Variants in LRP1B observed in about 807,000 individuals in gnomAD.
LRP1B encodes LDL receptor related protein 1B.
LRP1B carries 217 observed loss-of-function variants against 556.6 expected under a neutral mutation model. That is an observed-to-expected ratio of 0.39 (90% CI 0.35 to 0.44). The LOEUF is 0.44. LRP1B is among the 20% of genes least tolerant of loss of function. The probability of loss-of-function intolerance (pLI) is 1.00; values close to 1 mark genes in which losing one functional copy is unlikely to be tolerated. For missense variants in LRP1B, 5,053 were observed against 5,620.8 expected (o/e 0.90, Z 3.23); for synonymous variants, 2,047 against 1,865.8 (o/e 1.10, Z -2.50).
chr2:141,597,463 C>T (rs1360161519), intron 2 of LRP1B, among the ~76,000 whole-genome samples: 1 of 152,018 alleles, frequency 6.6e-6, no homozygotes, highest in African/African-American at 2.4e-5. Context: ...TTCAATTTGC[C>T]CTTCACCTTC....
intron 21 of LRP1B, among the ~76,000 whole-genome samples, chr2:140,912,367 T>C (rs1306515720): frequency 6.6e-6 from 1 of 151,670 alleles, no homozygotes; most frequent in Non-Finnish European, 1.5e-5. Context: ...ACAGATTTCT[T>C]TGCTTAAACT....
At position 140,536,311 on chromosome 2, in the gene LRP1B, T is replaced by TAAAA. The variant is rs70988404; in HGVS notation, c.7642+266_7642+269dup. ...GCAACACAATGAGACCCCGTCTCTT[T>TAAAA]AAAAAAAAAAAAAAAAAAAAAAAAA... On this transcript the variant is annotated intron_variant, in intron 46 of 90. Coordinates refer to ENST00000389484, the MANE Select transcript of LRP1B (RefSeq NM_018557.3). 4.3e-3 allele frequency among the ~76,000 whole-genome samples: 267 copies of TAAAA among 61,878 alleles called. 7 individuals carry two copies. Among genetic ancestry groups the TAAAA allele is most frequent in the African/African-American group, 0.016 (202 of 12,400 alleles). 40.6% of individuals were successfully genotyped at this position (61,878 alleles called of 152,430 possible). A position where few individuals can be genotyped will look rare whatever the true frequency, so the allele number is the denominator to read the frequency against.
intron 41 of LRP1B, among the ~76,000 whole-genome samples, chr2:140,690,543 A>G (rs1196412303): frequency 1.3e-5 from 2 of 152,140 alleles, no homozygotes; most frequent in Non-Finnish European, 2.9e-5. Context: ...TTCTTCCCCT[A>G]CATCTACCAC....
intron 1 of LRP1B, among the ~76,000 whole-genome samples, chr2:142,121,874 C>T (rs2105013448): frequency 7.0e-6 from 1 of 142,568 alleles, no homozygotes; most frequent in African/African-American, 2.6e-5. Context: ...ATATGAGTTG[C>T]TTCAAGGATC....
intron 60 of LRP1B, among the ~76,000 whole-genome samples, chr2:140,463,632 T>C: frequency 6.6e-6 from 1 of 152,194 alleles, no homozygotes; most frequent in East Asian, 1.9e-4. Context: ...CATTTCCAAC[T>C]GTTATGATAG....
At chr2:141,020,577 G>A (rs1369268644) in intron 11 of LRP1B, among the ~76,000 whole-genome samples, 3 of 151,846 alleles carry the variant, frequency 2.0e-5, no homozygotes, top group African/African-American at 4.8e-5. Flanking sequence ...CTTGCCCAAG[G>A]ATGAACAGTT....
chr2:141,738,799 C>T (rs146357642), intron 2 of LRP1B, among the ~76,000 whole-genome samples: 4 of 152,244 alleles, frequency 2.6e-5, no homozygotes, highest in African/African-American at 4.8e-5. Context: ...TATTGACCTT[C>T]TCACCTCAGT....
intron 1 of LRP1B, among the ~76,000 whole-genome samples, chr2:141,817,047 A>C (rs574579055): frequency 6.6e-6 from 1 of 152,302 alleles, no homozygotes; most frequent in Admixed American, 6.5e-5. Context: ...AATGAAAAAA[A>C]ATTTCAGTAT....
At chr2:140,261,454 T>G (rs1681932925) in intron 86 of LRP1B, among the ~76,000 whole-genome samples, 1 of 151,830 alleles carries the variant, frequency 6.6e-6, no homozygotes, top group Admixed American at 6.6e-5. Context: ...TTTCAGAAAA[T>G]TAATGATATG....
rs114647056 is a variant in LRP1B, at chr2:140,516,590, T to C, written c.8149+299A>G. On this transcript the variant is annotated intron_variant, in intron 50 of 90. Transcript: ENST00000389484. ...GAAAGCAAATACATCAGGTACCACCTAAAGTTAATAAATTAAGAAAAGGTA... is the reference window on the plus strand; with the variant it reads ...GAAAGCAAATACATCAGGTACCACCCAAAGTTAATAAATTAAGAAAAGGTA... Among the ~76,000 whole-genome samples, 702 of 152,168 alleles carry C rather than the reference T, an allele frequency of 4.6e-3. 4 individuals are homozygous for C. The highest frequency in any genetic ancestry group is 8.0e-3 in the Non-Finnish European group (546 of 67,956).
chr2:140,778,490 C>T (rs181352592), intron 32 of LRP1B, among the ~76,000 whole-genome samples: 136 of 151,972 alleles, frequency 8.9e-4, no homozygotes, highest in African/African-American at 3.2e-3. Context: ...TTCATGAATG[C>T]ATTTTTTTTA....
intron 4 of LRP1B, among the ~76,000 whole-genome samples, chr2:141,252,954 T>A (rs777201365): frequency 3.4e-4 from 51 of 152,206 alleles, no homozygotes; most frequent in Non-Finnish European, 4.1e-4. Flanking sequence ...AATTAATTAC[T>A]GTTGTGTTTG....
chr2:140,617,354 C>T (rs1467847590), intron 41 of LRP1B, among the ~76,000 whole-genome samples: 3 of 151,824 alleles, frequency 2.0e-5, no homozygotes, highest in East Asian at 1.9e-4. Flanking sequence ...AACTCAACTG[C>T]GTTTTGCTAA....
At chr2:141,538,902 A>T (rs1574058345) in intron 2 of LRP1B, among the ~76,000 whole-genome samples, 1 of 152,096 alleles carries the variant, frequency 6.6e-6, no homozygotes, top group Non-Finnish European at 1.5e-5. Context: ...GCCTCCCAAA[A>T]TGCTGGGATT....
At chr2:141,115,133 G>A (rs1354470327) in intron 7 of LRP1B, among the ~76,000 whole-genome samples, 1 of 140,288 alleles carries the variant, frequency 7.1e-6, no homozygotes, top group Non-Finnish European at 1.5e-5. Flanking sequence ...ATGTTCTTTG[G>A]TCTTTATATT....
At chr2:141,735,580 A>G (rs1262714724) in intron 2 of LRP1B, among the ~76,000 whole-genome samples, 1 of 151,890 alleles carries the variant, frequency 6.6e-6, no homozygotes, top group African/African-American at 2.4e-5. Context: ...ATTGACTGAG[A>G]GCCCTCCATT....
intron 84 of LRP1B, among the ~76,000 whole-genome samples, chr2:140,283,939 G>A (rs1422674112): frequency 6.6e-6 from 1 of 151,646 alleles, no homozygotes; most frequent in Non-Finnish European, 1.5e-5. Flanking sequence ...AGTTGCAGAT[G>A]ACAGCTAAAT....
chr2:142,007,572 A>C (rs1017789072), intron 1 of LRP1B, among the ~76,000 whole-genome samples: 1 of 152,110 alleles, frequency 6.6e-6, no homozygotes, highest in Non-Finnish European at 1.5e-5. Context: ...GAAAGAATCT[A>C]TTTATTTTTT....
intron 31 of LRP1B, among the ~76,000 whole-genome samples, chr2:140,838,397 CA>C (rs1159524327): frequency 6.6e-6 from 1 of 152,094 alleles, no homozygotes; most frequent in African/African-American, 2.4e-5. Context: ...ATTTCTAATA[CA>C]ACCCTGACTT....
Sources: gnomAD v4.1 joint callset for allele counts (sites outside exome capture counted in the v4.1 genomes callset) on GRCh38, gnomAD v4.1.1 for gene constraint, MANE v1.5 for transcripts, NCBI Gene and HGNC (gene_info 2026-07-23, HGNC 2026-07-21) for gene names.